ZNF521: variants seen among roughly 807,000 people sequenced by gnomAD.
ZNF521 encodes LYST-interacting protein 3.
Under a neutral mutation model 105.5 loss-of-function variants are expected in ZNF521, and 14 were observed. The observed-to-expected ratio is 0.13, with a 90% CI of 0.09 to 0.21. The LOEUF (loss-of-function observed/expected upper bound fraction) is 0.21, where lower values mean the gene tolerates loss of function less well. Among genes scored for constraint, ZNF521 ranks in the 10% least tolerant of loss-of-function variants. The probability of loss-of-function intolerance (pLI) is 1.00; values close to 1 mark genes in which losing one functional copy is unlikely to be tolerated. For missense variants in ZNF521, 1,233 were observed against 1,629.7 expected (o/e 0.76, Z 4.19); for synonymous variants, 635 against 606.0 (o/e 1.05, Z -0.70).
At chr18:25,350,084 A>C (rs528923665) in intron 2 of ZNF521, among the ~76,000 whole-genome samples, 7 of 151,990 alleles carry the variant, frequency 4.6e-5, no homozygotes, top group Admixed American at 3.9e-4. Flanking sequence ...CCACATTCCA[A>C]CACAGCCATC....
At chr18:25,289,912 A>G (rs1294850575) in intron 3 of ZNF521, among the ~76,000 whole-genome samples, 3 of 152,226 alleles carry the variant, frequency 2.0e-5, no homozygotes, top group Non-Finnish European at 1.5e-5. Flanking sequence ...CCCAGGCAGA[A>G]AATATCCTTT....
chr18:25,150,922 T>A (rs1319033461), intron 5 of ZNF521, among the ~76,000 whole-genome samples: 1 of 144,948 alleles, frequency 6.9e-6, no homozygotes, highest in Non-Finnish European at 1.5e-5. Flanking sequence ...AGAGTCTCGC[T>A]CTGTCACCCA....
chr18:25,351,462 C>CT (rs1371660189), intron 1 of ZNF521: 1 of 150,696 alleles, frequency 6.6e-6, no homozygotes, highest in African/African-American at 2.4e-5. Context: ...ATCCGCCCCC[C>CT]CCCCCACCGG....
intron 2 of ZNF521, among the ~76,000 whole-genome samples, chr18:25,323,191 A>T (rs1436460681): frequency 6.6e-6 from 1 of 152,104 alleles, no homozygotes; most frequent in Non-Finnish European, 1.5e-5. Context: ...ACTGATTTCC[A>T]GTAGCAAAAA....
At chr18:25,089,854 C>T (rs978752856) in intron 6 of ZNF521, among the ~76,000 whole-genome samples, 8 of 152,044 alleles carry the variant, frequency 5.3e-5, no homozygotes, top group East Asian at 3.9e-4. Context: ...AAAATAAAGC[C>T]GAAAACTGTC....
intron 3 of ZNF521, among the ~76,000 whole-genome samples, chr18:25,247,028 T>C (rs1907768455): frequency 6.6e-6 from 1 of 152,194 alleles, no homozygotes; most frequent in Non-Finnish European, 1.5e-5. Context: ...AGGTGTGTTC[T>C]AGCTACCACC....
chr18:25,171,011 C>G (rs2035439792), intron 5 of ZNF521, among the ~76,000 whole-genome samples: 1 of 152,072 alleles, frequency 6.6e-6, no homozygotes. Flanking sequence ...GGCATACTGT[C>G]TATATCATGT....
chr18:25,112,727 T>C (rs2034217704), intron 5 of ZNF521, among the ~76,000 whole-genome samples: 1 of 152,146 alleles, frequency 6.6e-6, no homozygotes. Flanking sequence ...CATATTTTGA[T>C]ATCTCTATTA....
intron 3 of ZNF521, among the ~76,000 whole-genome samples, chr18:25,245,386 G>C (rs1183285832): frequency 6.6e-6 from 1 of 152,048 alleles, no homozygotes; most frequent in African/African-American, 2.4e-5. Context: ...CACCAGAATG[G>C]TACATTTGCT....
chr18:25,269,567 G>T (rs1600236153), intron 3 of ZNF521, among the ~76,000 whole-genome samples: 1 of 152,192 alleles, frequency 6.6e-6, no homozygotes, highest in East Asian at 1.9e-4. Context: ...AAATGCAAAA[G>T]AATGGAAGTC....
chr18:25,089,227 G>A (rs2033692710), intron 7 of ZNF521, among the ~76,000 whole-genome samples: 1 of 152,118 alleles, frequency 6.6e-6, no homozygotes, highest in Non-Finnish European at 1.5e-5. Context: ...CTATCACACT[G>A]GGTCAGAAGG....
At chr18:25,314,705 G>C (rs1467559851) in intron 3 of ZNF521, among the ~76,000 whole-genome samples, 1 of 152,214 alleles carries the variant, frequency 6.6e-6, no homozygotes, top group Admixed American at 6.5e-5. Flanking sequence ...TGGTAGACCA[G>C]AGGGTTAAGA....
At chr18:25,247,823 G>A (rs11875908) in intron 3 of ZNF521, among the ~76,000 whole-genome samples, 40,885 of 151,934 alleles carry the variant, frequency 0.27, 5,666 homozygotes, top group East Asian at 0.35. Flanking sequence ...GGTCCAGTGA[G>A]AGGCAAAAAA....
intron 5 of ZNF521, among the ~76,000 whole-genome samples, chr18:25,093,619 G>A (rs2033794547): frequency 6.6e-6 from 1 of 152,150 alleles, no homozygotes; most frequent in Non-Finnish European, 1.5e-5. Flanking sequence ...TTTAGAAGCA[G>A]AGGATTGGAA....
intron 3 of ZNF521, among the ~76,000 whole-genome samples, chr18:25,320,459 C>T (rs1403468279): frequency 6.6e-6 from 1 of 152,148 alleles, no homozygotes; most frequent in Non-Finnish European, 1.5e-5. Context: ...GTGTGAGCCA[C>T]CGCGCCTGGC....
intron 5 of ZNF521, among the ~76,000 whole-genome samples, chr18:25,178,924 G>A (rs369452949): frequency 7.9e-5 from 12 of 151,934 alleles, no homozygotes; most frequent in South Asian, 4.2e-4. Context: ...GTTTCTCTCC[G>A]TACACTAATG....
At chr18:25,140,218 C>T (rs1258193479) in intron 5 of ZNF521, among the ~76,000 whole-genome samples, 1 of 152,162 alleles carries the variant, frequency 6.6e-6, no homozygotes, top group Non-Finnish European at 1.5e-5. Flanking sequence ...AAGGCAGTCC[C>T]TTCTTAGCTT....
At chr18:25,078,982 A>G (rs1470225787) in intron 7 of ZNF521, among the ~76,000 whole-genome samples, 1 of 152,182 alleles carries the variant, frequency 6.6e-6, no homozygotes, top group African/African-American at 2.4e-5. Context: ...AAGTTTGACC[A>G]TCTTGGCTTC....
At chr18:25,070,578 A>G (rs1421063161) in intron 7 of ZNF521, among the ~76,000 whole-genome samples, 2 of 152,290 alleles carry the variant, frequency 1.3e-5, no homozygotes, top group Non-Finnish European at 2.9e-5. Flanking sequence ...TGCCTTACAC[A>G]AGCAGGGTTT....
Sources: allele counts gnomAD v4.1 joint callset (sites outside exome capture counted in the v4.1 genomes callset), GRCh38; gene constraint gnomAD v4.1.1; transcripts MANE v1.5; gene names NCBI Gene and HGNC (gene_info 2026-07-23, HGNC 2026-07-21).